SYTL5: variants seen among roughly 807,000 people sequenced by gnomAD.
The protein encoded by SYTL5 is synaptotagmin like 5.
SYTL5 carries 34 observed loss-of-function variants against 55.9 expected under a neutral mutation model. The ratio of observed to expected loss-of-function variants is 0.61; its 90% CI spans 0.46 to 0.81. The LOEUF is 0.81. Ranked by LOEUF, SYTL5 falls within the 30% of genes least tolerant of loss-of-function variation. The pLI is 0.00. For synonymous variants in SYTL5, 221 were observed against 188.7 expected, an observed-to-expected ratio of 1.17 and a Z score of -1.40; for missense variants, 637 against 546.7, an observed-to-expected ratio of 1.17 and a Z score of -1.65.
At chrX:38,045,806 G>A (rs1355038983) in intron 2 of SYTL5, among the ~76,000 whole-genome samples, 1 of 112,227 alleles carries the variant, frequency 8.9e-6, no homozygotes, top group South Asian at 3.7e-4. Flanking sequence ...TATACAAAAT[G>A]TATTAAGATA....
chrX:37,940,809 A>G, the SYTL5 span, among the ~76,000 whole-genome samples: 6 of 110,618 alleles, frequency 5.4e-5, no homozygotes, highest in African/African-American at 2.0e-4. Flanking sequence ...GCAATGGGAT[A>G]TTTCCAGGAG....
chrX:38,103,558 G>A (rs2147596926), intron 10 of SYTL5, among the ~76,000 whole-genome samples: 1 of 110,499 alleles, frequency 9.0e-6, no homozygotes, highest in East Asian at 2.8e-4. Flanking sequence ...GTGATATAAG[G>A]AGGTAATCAG....
the SYTL5 span, among the ~76,000 whole-genome samples, chrX:37,953,499 T>C: frequency 9.0e-6 from 1 of 111,674 alleles, no homozygotes; most frequent in African/African-American, 3.2e-5. Flanking sequence ...TTTAACACCA[T>C]CTTTTTTTCC....
intron 2 of SYTL5, among the ~76,000 whole-genome samples, chrX:38,038,076 G>T (rs1170313874): frequency 9.0e-6 from 1 of 111,419 alleles, no homozygotes; most frequent in African/African-American, 3.3e-5. Context: ...ACCTTCAGCG[G>T]GTTAGACGAG....
intron 2 of SYTL5, among the ~76,000 whole-genome samples, chrX:38,035,144 A>C (rs1200824134): frequency 8.9e-6 from 1 of 112,536 alleles, no homozygotes; most frequent in Admixed American, 9.4e-5. Context: ...AAGATATTCA[A>C]CTAATCTTGA....
chrX:38,000,038 C>G, the SYTL5 span, among the ~76,000 whole-genome samples: 1 of 111,955 alleles, frequency 8.9e-6, no homozygotes, highest in Non-Finnish European at 1.9e-5. Context: ...CTCACAACAA[C>G]TTGTGAGGTC....
intron 1 of SYTL5, among the ~76,000 whole-genome samples, chrX:38,025,008 T>C (rs1394564782): frequency 8.9e-6 from 1 of 112,060 alleles, no homozygotes; most frequent in East Asian, 2.8e-4. Context: ...TACTACTTTT[T>C]TCTCTATCCA....
At position 38,110,308 on chromosome X, in the gene SYTL5, A is replaced by T. The variant is rs766518071; in HGVS notation, c.1435-13A>T. 5 of 1,176,638 alleles carry T rather than the reference A, an allele frequency of 4.2e-6. No homozygotes were observed. Among genetic ancestry groups the T allele is most frequent in the Non-Finnish European group, 5.7e-6 (5 of 876,934 alleles). ...CTCCTTGTGGAGTGTAATGTTGTAA[A>T]TCTCATTCGCAGTACACTATCAGCC... is the stretch of plus-strand genomic sequence containing the variant. On this transcript the variant is annotated splice_polypyrimidine_tract_variant and intron_variant, in intron 12 of 16. Transcript: ENST00000297875.
At chrX:38,075,236 C>T (rs1397802974) in intron 5 of SYTL5, among the ~76,000 whole-genome samples, 1 of 111,465 alleles carries the variant, frequency 9.0e-6, no homozygotes, top group Non-Finnish European at 1.9e-5. Context: ...GCCTTAGATT[C>T]TGATTGTTCT....
intron 2 of SYTL5, among the ~76,000 whole-genome samples, chrX:38,049,951 T>C (rs1935579493): frequency 9.0e-6 from 1 of 111,694 alleles, no homozygotes; most frequent in South Asian, 3.7e-4. Context: ...GTTAAATAAT[T>C]GTCTTAAGGT....
the SYTL5 span, among the ~76,000 whole-genome samples, chrX:37,981,914 A>C: frequency 8.9e-6 from 1 of 111,889 alleles, no homozygotes; most frequent in East Asian, 2.8e-4. Context: ...CCAGTCACTA[A>C]ACAAACAGGC....
At chrX:37,905,405 TG>T in the SYTL5 span, among the ~76,000 whole-genome samples, 33 of 69,074 alleles carry the variant, frequency 4.8e-4, no homozygotes, top group African/African-American at 2.2e-3. Context: ...ACCTTGCAGG[TG>T]GATGTGTCAG....
chrX:38,019,877 C>T (rs1011743239), intron 1 of SYTL5, among the ~76,000 whole-genome samples: 6 of 111,240 alleles, frequency 5.4e-5, no homozygotes, highest in African/African-American at 1.3e-4. Flanking sequence ...TCAGGTGATC[C>T]GCCCGCTTCG....
At chrX:38,048,598 G>A (rs911406797) in intron 2 of SYTL5, among the ~76,000 whole-genome samples, 19 of 110,158 alleles carry the variant, frequency 1.7e-4, no homozygotes, top group East Asian at 2.9e-4. Flanking sequence ...CAGTCATGGC[G>A]GAAGGTGAAA....
chrX:38,090,340 G>A (rs1041148387), intron 7 of SYTL5, among the ~76,000 whole-genome samples: 1 of 111,342 alleles, frequency 9.0e-6, no homozygotes, highest in Admixed American at 9.5e-5. Flanking sequence ...TGTTAACATA[G>A]GGGTCAACAC....
the SYTL5 span, among the ~76,000 whole-genome samples, chrX:37,948,629 A>G: frequency 3.6e-5 from 4 of 110,657 alleles, no homozygotes; most frequent in African/African-American, 1.3e-4. Flanking sequence ...GCCTCTGGTA[A>G]CTACCAAGCT....
intron 6 of SYTL5, among the ~76,000 whole-genome samples, chrX:38,082,995 G>A (rs1306653365): frequency 8.9e-6 from 1 of 111,919 alleles, no homozygotes; most frequent in Non-Finnish European, 1.9e-5. Context: ...AGAACAAGAG[G>A]TTGGCAATTC....
At chrX:37,927,082 C>G in the SYTL5 span, among the ~76,000 whole-genome samples, 144 of 111,998 alleles carry the variant, frequency 1.3e-3, no homozygotes, top group Middle Eastern at 4.6e-3. Context: ...ACAAAAGGCT[C>G]TGATAGCATT....
At chrX:38,111,864 A>G (rs1181460740) in intron 13 of SYTL5, among the ~76,000 whole-genome samples, 1 of 112,151 alleles carries the variant, frequency 8.9e-6, no homozygotes, top group Non-Finnish European at 1.9e-5. Flanking sequence ...CCTGGTTCTG[A>G]AGAAGGGAAC....
Sources: gnomAD v4.1 joint callset for allele counts (sites outside exome capture counted in the v4.1 genomes callset) on GRCh38, gnomAD v4.1.1 for gene constraint, MANE v1.5 for transcripts, NCBI Gene and HGNC (gene_info 2026-07-23, HGNC 2026-07-21) for gene names.